Variants in GPC5 observed in about 807,000 individuals in gnomAD.
The protein encoded by GPC5 is glypican 5, also known as glypican-5.
GPC5 carries 47 observed loss-of-function variants against 53.9 expected under a neutral mutation model. The ratio of observed to expected loss-of-function variants is 0.87; its 90% CI spans 0.69 to 1.11. The LOEUF (loss-of-function observed/expected upper bound fraction) is 1.11. GPC5 is among the 50% of genes most tolerant of loss of function. The pLI is 0.00. For missense variants in GPC5, 748 were observed against 713.1 expected (o/e 1.05, Z -0.56); for synonymous variants, 286 against 263.3 (o/e 1.09, Z -0.84).
At chr13:92,788,258 G>C (rs1163272733) in intron 7 of GPC5, among the ~76,000 whole-genome samples, 2 of 151,808 alleles carry the variant, frequency 1.3e-5, no homozygotes, top group East Asian at 3.9e-4. Context: ...TAAAAAAAAA[G>C]ATCAACAAGG....
intron 6 of GPC5, among the ~76,000 whole-genome samples, chr13:92,087,034 A>T (rs2138889577): frequency 6.6e-6 from 1 of 152,364 alleles, no homozygotes; most frequent in Non-Finnish European, 1.5e-5. Flanking sequence ...AGCCAAATCC[A>T]CACAGGAGTG....
At chr13:92,678,133 A>G (rs1887006644) in intron 7 of GPC5, among the ~76,000 whole-genome samples, 1 of 152,196 alleles carries the variant, frequency 6.6e-6, no homozygotes, top group Admixed American at 6.6e-5. Flanking sequence ...ACAAATGTTC[A>G]ATGTATGTTT....
chr13:92,138,911 G>T (rs1248750761), intron 6 of GPC5, among the ~76,000 whole-genome samples: 10 of 151,604 alleles, frequency 6.6e-5, no homozygotes, highest in African/African-American at 2.4e-4. Flanking sequence ...TGTCCCTGCT[G>T]CAGGGGAAAA....
intron 4 of GPC5, among the ~76,000 whole-genome samples, chr13:91,737,957 G>A (rs186126200): frequency 5.3e-5 from 8 of 151,330 alleles, no homozygotes; most frequent in Admixed American, 5.2e-4. Flanking sequence ...AAAAATATGG[G>A]GCTTAAGGAA....
intron 1 of GPC5, among the ~76,000 whole-genome samples, chr13:91,439,689 TC>T (rs1416391789): frequency 6.6e-6 from 1 of 152,214 alleles, no homozygotes; most frequent in African/African-American, 2.4e-5. Flanking sequence ...CTAAGGATTA[TC>T]CTTGATTCCC....
intron 4 of GPC5, among the ~76,000 whole-genome samples, chr13:91,747,293 A>G (rs2037070207): frequency 6.6e-6 from 1 of 152,114 alleles, no homozygotes; most frequent in Non-Finnish European, 1.5e-5. Flanking sequence ...TCCCCTTTAT[A>G]TATATTTTGT....
intron 6 of GPC5, among the ~76,000 whole-genome samples, chr13:91,940,727 G>A (rs1016674180): frequency 1.3e-5 from 2 of 152,094 alleles, no homozygotes; most frequent in South Asian, 4.2e-4. Flanking sequence ...GTTTTGATTT[G>A]CATTTCTCTG....
chr13:92,674,136 A>G (rs1170253937), intron 7 of GPC5, among the ~76,000 whole-genome samples: 1 of 152,172 alleles, frequency 6.6e-6, no homozygotes, highest in Non-Finnish European at 1.5e-5. Context: ...GTGCATGGAT[A>G]ATGGCTTTTC....
chr13:91,578,390 G>A (rs1566523193), intron 2 of GPC5, among the ~76,000 whole-genome samples: 1 of 152,160 alleles, frequency 6.6e-6, no homozygotes, highest in African/African-American at 2.4e-5. Flanking sequence ...CACTAGGTTA[G>A]TAAATCACTG....
At chr13:91,423,182 T>C (rs1419788058) in intron 1 of GPC5, among the ~76,000 whole-genome samples, 2 of 152,206 alleles carry the variant, frequency 1.3e-5, no homozygotes, top group Non-Finnish European at 2.9e-5. Flanking sequence ...CTCAGAAATA[T>C]AGAAGACACA....
At chr13:91,954,578 G>A (rs2040056446) in intron 6 of GPC5, among the ~76,000 whole-genome samples, 1 of 151,978 alleles carries the variant, frequency 6.6e-6, no homozygotes, top group Admixed American at 6.6e-5. Flanking sequence ...CTACTACTAA[G>A]GGGAAATCCC....
At position 92,459,518 on chromosome 13, in the gene GPC5, G is replaced by A. The variant is rs111447822; in HGVS notation, c.1561+314529G>A. ...CCTTGTTCTTGGCACAGAAGAAGTC[G>A]GTTCAAATATGACAAATTTTCCCCT... is the stretch of plus-strand genomic sequence containing the variant. On this transcript the variant is annotated intron_variant, in intron 7 of 7. Transcript: ENST00000377067. Among the ~76,000 whole-genome samples the A allele has an allele frequency of 5.1e-3, 772 of 152,226 alleles. 5 individuals are homozygous for A. The highest frequency in any genetic ancestry group is 0.017 in the African/African-American group (710 of 41,548).
At chr13:92,440,145 A>G (rs185770985) in intron 7 of GPC5, among the ~76,000 whole-genome samples, 1 of 152,292 alleles carries the variant, frequency 6.6e-6, no homozygotes, top group African/African-American at 2.4e-5. Context: ...ATGCAGGTGC[A>G]TTACATAAGT....
intron 7 of GPC5, among the ~76,000 whole-genome samples, chr13:92,603,984 A>G (rs1884167968): frequency 6.6e-6 from 1 of 152,208 alleles, no homozygotes; most frequent in Non-Finnish European, 1.5e-5. Context: ...CTTAACATTA[A>G]TAGAGGACAG....
chr13:92,119,421 CAG>C (rs1223729752), intron 6 of GPC5, among the ~76,000 whole-genome samples: 3 of 86,998 alleles, frequency 3.4e-5, no homozygotes, highest in Non-Finnish European at 6.0e-5. Flanking sequence ...TTTTTGGAGA[CAG>C]AGTCTTGCTC....
At chr13:91,635,782 G>GATAAT (rs2034270512) in intron 2 of GPC5, among the ~76,000 whole-genome samples, 1 of 152,042 alleles carries the variant, frequency 6.6e-6, no homozygotes, top group African/African-American at 2.4e-5. Flanking sequence ...TACACTTGCA[G>GATAAT]ATAAACTTTA....
At chr13:91,859,426 G>C (rs1288345040) in intron 5 of GPC5, among the ~76,000 whole-genome samples, 4 of 151,874 alleles carry the variant, frequency 2.6e-5, no homozygotes, top group African/African-American at 9.7e-5. Context: ...AGGCTACTAT[G>C]AGCAACCATA....
chr13:91,861,940 A>G (rs1345164579), intron 5 of GPC5, among the ~76,000 whole-genome samples: 1 of 151,692 alleles, frequency 6.6e-6, no homozygotes, highest in Admixed American at 6.6e-5. Flanking sequence ...TAAAAAACTG[A>G]TGACAGTAAC....
intron 5 of GPC5, among the ~76,000 whole-genome samples, chr13:91,762,871 T>G (rs1446052974): frequency 6.6e-6 from 1 of 152,186 alleles, no homozygotes; most frequent in Non-Finnish European, 1.5e-5. Context: ...TCTTGAATCT[T>G]AGGGGTATGA....
Sources: gnomAD v4.1 joint callset for allele counts (sites outside exome capture counted in the v4.1 genomes callset) on GRCh38, gnomAD v4.1.1 for gene constraint, MANE v1.5 for transcripts, NCBI Gene and HGNC (gene_info 2026-07-23, HGNC 2026-07-21) for gene names.